Variants in ENG observed in about 807,000 individuals in gnomAD.
The protein encoded by ENG is CD105 antigen.
ENG carries 17 observed loss-of-function variants against 71.0 expected under a neutral mutation model. The ratio of observed to expected loss-of-function variants is 0.24; its 90% CI spans 0.16 to 0.36. The LOEUF (loss-of-function observed/expected upper bound fraction) is 0.36. ENG is among the 10% of genes least tolerant of loss of function. The pLI, the probability that ENG is intolerant of heterozygous loss-of-function variation, is 1.00. For synonymous variants in ENG, 360 were observed against 366.9 expected (o/e 0.98, Z 0.21); for missense variants, 749 against 868.3 (o/e 0.86, Z 1.73).
At position 127,826,502 on chromosome 9, in the gene ENG, A is replaced by G; in HGVS notation, c.523+8T>C. On this transcript the variant is annotated splice_region_variant and intron_variant, in intron 4 of 14. Transcript: ENST00000373203. ...CATGAGCCCAGAGAGGTTGCTGGGG[A>G]AACTGACCTTGGCCCAGTCGGAGGA... 1 of 1,613,984 alleles carries G rather than the reference A, an allele frequency of 6.2e-7. No homozygotes were observed. The highest frequency in any genetic ancestry group is 1.3e-5 in the African/African-American group (1 of 75,026).
chr9:127,819,563 G>A lies in ENG; in HGVS notation c.1311+59C>T, dbSNP rs1830422531. 5 of 1,608,506 alleles carry A rather than the reference G, an allele frequency of 3.1e-6. No homozygotes were observed. The Admixed American group carries it at 5.0e-5, about 16-fold the overall frequency. ...CTGCTCCCTCCCAGGCCAGGAAGAG[G>A]CCCCGGCCCAGCAGCAGCCCCTGGG... On this transcript the variant is annotated intron_variant, in intron 10 of 14. Transcript: ENST00000373203.
chr9:127,816,339 G>A (rs1774292455), intron 13 of ENG: 4 of 513,330 alleles, frequency 7.8e-6, no homozygotes, highest in Non-Finnish European at 1.4e-5. Flanking sequence ...GATGGATGGG[G>A]TAACGTGAGG....
At chr9:127,817,295 C>T in intron 12 of ENG, 92 bp from the exon 13 acceptor site, 1 of 1,367,158 alleles carries the variant, frequency 7.3e-7, no homozygotes, top group Non-Finnish European at 1.0e-6. Flanking sequence ...CACCCTAGAG[C>T]CTTGGCTTTG....
intron 2 of ENG, among the ~76,000 whole-genome samples, chr9:127,839,324 C>T (rs1015517503): frequency 6.6e-6 from 1 of 152,098 alleles, no homozygotes. Context: ...GCAATGGGGA[C>T]TATGAGCTCT....
Position 127,854,294 on chromosome 9 carries a change from G to C in ENG, c.62C>G (p.Pro21Arg), listed in dbSNP as rs751866401. The C allele has an allele frequency of 1.9e-6, 3 of 1,588,612 alleles. No homozygotes were observed. In the South Asian group the frequency reaches 3.4e-5, roughly 18 times the overall value. ...ALLLASCSLSPTSLAETVHCD... is the reference protein window; with the variant it reads ...ALLLASCSLSRTSLAETVHCD... ...CTGGGTCCCTGGACACCTACTTGTG[G>C]GGCTGAGGCTGCAGCTGGCCAGCAG... Residue 21 changes from proline (P) to arginine (R), a missense_variant, in exon 1 of 15, where the codon CCC (proline) becomes CGC (arginine). By Grantham distance (103) the Pro-to-Arg change is moderately radical. Transcript: ENST00000373203.
intron 2 of ENG, 23 bp downstream of exon 2, chr9:127,843,071 C>A (rs200726108): frequency 6.2e-7 from 1 of 1,613,626 alleles, no homozygotes; most frequent in Non-Finnish European, 8.5e-7. Context: ...AGCCCCCACC[C>A]GACCCTGCCA....
intron 1 of ENG, among the ~76,000 whole-genome samples, chr9:127,852,480 G>A (rs1829051770): frequency 6.6e-6 from 1 of 152,134 alleles, no homozygotes; most frequent in African/African-American, 2.4e-5. Context: ...TTGTACCTTT[G>A]AGCCTGTGAC....
chr9:127,854,224 A>C, intron 1 of ENG, 65 bp downstream of exon 1: 1 of 1,501,102 alleles, frequency 6.7e-7, no homozygotes, highest in Non-Finnish European at 9.1e-7. Flanking sequence ...GAGGCCGGGA[A>C]TACTTGGGGC....
chr9:127,829,847 GAC>G lies in ENG; in HGVS notation c.220-22_220-21del, dbSNP rs771913539. The stretch of plus-strand genomic sequence containing the variant: ...CGGGCCCTGGGGGACACAGAGGAGA[GAC>G]ACACACAGTCCAGTCAGATTTGTAT... On this transcript the variant is annotated intron_variant, in intron 2 of 14. Coordinates refer to ENST00000373203, the MANE Select transcript of ENG (RefSeq NM_001114753.3). 1.1e-5 allele frequency: 17 copies of G among 1,613,506 alleles called. No homozygotes were observed. The East Asian group carries it at 3.6e-4, about 34-fold the overall frequency.
intron 8 of ENG, among the ~76,000 whole-genome samples, 161 bp from the exon 9 acceptor site, chr9:127,820,198 C>T (rs1479682158): frequency 6.6e-6 from 1 of 152,146 alleles, no homozygotes; most frequent in Non-Finnish European, 1.5e-5. Flanking sequence ...TCCTACACCA[C>T]TTAAAAGTTC....
chr9:127,841,058 G>C (rs1271704793), intron 2 of ENG: 1 of 152,460 alleles, frequency 6.6e-6, no homozygotes, highest in Non-Finnish European at 1.5e-5. Flanking sequence ...CCCAGAGCCT[G>C]TTCCCTCTGC....
At chr9:127,831,177 T>A (rs966599946) in intron 2 of ENG, among the ~76,000 whole-genome samples, 11 of 151,168 alleles carry the variant, frequency 7.3e-5, no homozygotes, top group African/African-American at 2.7e-4. Flanking sequence ...TTTTTTTTTT[T>A]AGAGACAGAG....
intron 10 of ENG, 200 bp downstream of exon 10, chr9:127,819,422 A>T: frequency 1.5e-6 from 1 of 671,296 alleles, no homozygotes; most frequent in Non-Finnish European, 2.6e-6. Context: ...AGTATGTGCT[A>T]AGCCCTCTGA....
intron 12 of ENG, 99 bp downstream of exon 12, chr9:127,818,021 A>T (rs763463027): frequency 1.4e-5 from 23 of 1,588,096 alleles, no homozygotes; most frequent in Non-Finnish European, 1.9e-5. Flanking sequence ...GCCCCTCACC[A>T]GCTGGCCCCA....
chr9:127,851,164 C>CT (rs772362417), intron 1 of ENG, among the ~76,000 whole-genome samples: 14 of 152,078 alleles, frequency 9.2e-5, no homozygotes, highest in Non-Finnish European at 1.8e-4. Flanking sequence ...GAGGGGCAAG[C>CT]TGAGGCAGCT....
At position 127,843,268 on chromosome 9, in the gene ENG, G is replaced by A. The variant is rs368131846; in HGVS notation, c.68-23C>T. The A allele has an allele frequency of 1.9e-6, 3 of 1,613,920 alleles. No homozygotes were observed. In the African/African-American group the frequency reaches 4.0e-5, roughly 22 times the overall value. On this transcript the variant is annotated intron_variant, in intron 1 of 14. Coordinates refer to ENST00000373203, the MANE Select transcript of ENG (RefSeq NM_001114753.3). ...GACCTGTTGGAGAAACATCCGGAAA[G>A]AGGCCAGGTGAGAATAAGGTGATGA...
rs572123447 is a variant in ENG, at chr9:127,848,126, G to A, written c.68-4881C>T. Among the ~76,000 whole-genome samples the A allele has an allele frequency of 5.6e-4, 86 of 152,260 alleles. 1 individual carries two copies. The highest frequency in any genetic ancestry group is 5.6e-3 in the Admixed American group (86 of 15,284). ...ATTACACCTGCACAGCGCTAGGCCG[G>A]CTCCTGCTAAGTGGGGGTTGCTCAG... On this transcript the variant is annotated intron_variant, in intron 1 of 14. Transcript: ENST00000373203.
intron 2 of ENG, among the ~76,000 whole-genome samples, chr9:127,831,051 C>T (rs1393512317): frequency 2.0e-5 from 3 of 152,074 alleles, no homozygotes; most frequent in Non-Finnish European, 4.4e-5. Flanking sequence ...ATAACAACAG[C>T]AATACCTACC....
At chr9:127,822,986 G>T (rs889224118) in intron 8 of ENG, among the ~76,000 whole-genome samples, 4 of 151,462 alleles carry the variant, frequency 2.6e-5, no homozygotes, top group Non-Finnish European at 4.4e-5. Flanking sequence ...GACTACAGGC[G>T]TGCACCACCA....
Sources: gnomAD v4.1 joint callset for allele counts (sites outside exome capture counted in the v4.1 genomes callset) on GRCh38, gnomAD v4.1.1 for gene constraint, MANE v1.5 for transcripts, NCBI Gene and HGNC (gene_info 2026-07-23, HGNC 2026-07-21) for gene names.